Variants in HDAC9 observed in about 807,000 individuals in gnomAD.
The protein encoded by HDAC9 is MEF-2 interacting transcription repressor (MITR) protein.
In HDAC9, 41 loss-of-function variants were observed where a neutral mutation model predicts 139.4. That is an observed-to-expected ratio of 0.29 (90% CI 0.23 to 0.38). The LOEUF (loss-of-function observed/expected upper bound fraction) is 0.38. HDAC9 is among the 10% of genes least tolerant of loss of function. The pLI is 1.00. For synonymous variants in HDAC9, 517 were observed against 476.2 expected (o/e 1.09, Z -1.12); for missense variants, 1,147 against 1,297.0 (o/e 0.88, Z 1.78).
intron 1 of HDAC9, among the ~76,000 whole-genome samples, chr7:18,294,872 T>C (rs1289386231): frequency 1.3e-5 from 2 of 152,048 alleles, no homozygotes; most frequent in Non-Finnish European, 2.9e-5. Flanking sequence ...GTAGGGGCAG[T>C]GGACAGAGTG....
chr7:18,458,111 CAACT>C (rs1349432049), intron 1 of HDAC9, among the ~76,000 whole-genome samples: 2 of 152,184 alleles, frequency 1.3e-5, no homozygotes, highest in African/African-American at 2.4e-5. Context: ...TTTGTGCTGA[CAACT>C]CTTTGGCATT....
intron 2 of HDAC9, among the ~76,000 whole-genome samples, chr7:18,177,222 G>T (rs1788989444): frequency 1.3e-5 from 2 of 152,176 alleles, no homozygotes; most frequent in Admixed American, 6.5e-5. Flanking sequence ...GAAATGAAGG[G>T]AAATTGGGTA....
At chr7:18,400,918 G>A (rs1585634548) in intron 1 of HDAC9, among the ~76,000 whole-genome samples, 1 of 152,112 alleles carries the variant, frequency 6.6e-6, no homozygotes, top group East Asian at 1.9e-4. Context: ...TGAGTGTTTA[G>A]ATTGAGCTAT....
Position 18,789,286 on chromosome 7 carries a change from G to GCGCACACACACACACA in HDAC9, c.2215-4058_2215-4057insGCACACACACACACAC, listed in dbSNP as rs146066951. Among the ~76,000 whole-genome samples, 330 of 148,492 alleles carry GCGCACACACACACACA rather than the reference G, an allele frequency of 2.2e-3. 1 individual carries two copies. The highest frequency in any genetic ancestry group is 7.7e-3 in the African/African-American group (306 of 39,960). On this transcript the variant is annotated intron_variant, in intron 16 of 25. Transcript: ENST00000686413. ...TTAATGCACACGCAGACACATACACGCACACACACACACACACACACACAG... is the reference window on the plus strand; with the variant it reads ...TTAATGCACACGCAGACACATACACGCGCACACACACACACACACACACACACACACACACACACAG...
intron 22 of HDAC9, among the ~76,000 whole-genome samples, chr7:18,875,833 G>A (rs954470447): frequency 6.6e-6 from 1 of 152,074 alleles, no homozygotes; most frequent in African/African-American, 2.4e-5. Flanking sequence ...GGTCAGAACT[G>A]GTAAACAGTT....
chr7:18,359,481 C>T lies in HDAC9; in HGVS notation c.-42+68966C>T, dbSNP rs1381917323. ...CCTGCTTTTCCTCAACTCTCATTCA[C>T]ATTTTCTAAAACTTGAGAATGAAAA... On this transcript the variant is annotated intron_variant, in intron 1 of 3. Transcript: ENST00000413509. Among the ~76,000 whole-genome samples, 16 of 152,212 alleles carry T rather than the reference C, an allele frequency of 1.1e-4. 1 individual carries two copies. Among genetic ancestry groups the T allele is most frequent in the African/African-American group, 2.4e-5 (1 of 41,450 alleles).
At chr7:18,283,329 G>T (rs1465713132) in intron 2 of HDAC9, among the ~76,000 whole-genome samples, 1 of 152,108 alleles carries the variant, frequency 6.6e-6, no homozygotes, top group African/African-American at 2.4e-5. Context: ...AGAACAGCTT[G>T]GGGGAAGTCC....
intron 22 of HDAC9, among the ~76,000 whole-genome samples, chr7:18,932,169 A>G (rs1452355001): frequency 2.6e-5 from 4 of 152,198 alleles, no homozygotes; most frequent in South Asian, 2.1e-4. Flanking sequence ...GAAAAATTCA[A>G]TTGATTTAAA....
intron 1 of HDAC9, among the ~76,000 whole-genome samples, chr7:18,464,816 G>A (rs942986217): frequency 1.3e-5 from 2 of 151,946 alleles, no homozygotes; most frequent in Non-Finnish European, 2.9e-5. Context: ...CCCCTCTTTG[G>A]TGAGTTCTGG....
chr7:18,291,303 G>C (rs1797790537), intron 1 of HDAC9, among the ~76,000 whole-genome samples: 1 of 152,134 alleles, frequency 6.6e-6, no homozygotes, highest in African/African-American at 2.4e-5. Flanking sequence ...GAGGATAGTA[G>C]ATATTAAGAC....
chr7:18,268,709 A>G (rs968464205), intron 2 of HDAC9, among the ~76,000 whole-genome samples: 1 of 152,038 alleles, frequency 6.6e-6, no homozygotes, highest in Non-Finnish European at 1.5e-5. Flanking sequence ...GCCCTTGTTT[A>G]TTTTCCAAGC....
intron 2 of HDAC9, among the ~76,000 whole-genome samples, chr7:18,204,583 A>C (rs1482706002): frequency 6.6e-6 from 1 of 151,894 alleles, no homozygotes; most frequent in Non-Finnish European, 1.5e-5. Context: ...AATTTTTTGT[A>C]TTTATTCAAT....
Position 18,996,768 on chromosome 7 carries a change from A to G in HDAC9, c.*706A>G, listed in dbSNP as rs143944888. The G allele has an allele frequency of 2.0e-5, 3 of 152,210 alleles. No individual in the cohort carries two copies. The highest frequency in any genetic ancestry group is 4.8e-5 in the African/African-American group (2 of 41,526). 9.4% of individuals were successfully genotyped at this position (152,210 alleles called of 1,614,324 possible). A position where few individuals can be genotyped will look rare whatever the true frequency, so the allele number is the denominator to read the frequency against. On this transcript the variant is annotated 3_prime_UTR_variant, in exon 26 of 26. Coordinates refer to ENST00000686413, the MANE Select transcript of HDAC9 (RefSeq NM_178425.4). The stretch of plus-strand genomic sequence containing the variant: ...ATATCACTTTTTTTTAAACATCCCC[A>G]ACATCTTTGTGTTCTCACACACAGG...
At chr7:18,652,267 T>C (rs1245087143) in intron 11 of HDAC9, among the ~76,000 whole-genome samples, 2 of 152,012 alleles carry the variant, frequency 1.3e-5, no homozygotes, top group African/African-American at 4.8e-5. Context: ...GCTTTTCTGA[T>C]TGGAGGAAAA....
chr7:18,648,417 T>A, intron 10 of HDAC9, 49 bp from the exon 11 acceptor site: 1 of 1,313,760 alleles, frequency 7.6e-7, no homozygotes. Context: ...TGTATGTGTG[T>A]GTGTGTGTGT....
intron 16 of HDAC9, among the ~76,000 whole-genome samples, chr7:18,778,147 T>C (rs1027737128): frequency 1.3e-5 from 2 of 151,874 alleles, no homozygotes; most frequent in African/African-American, 2.4e-5. Context: ...TTCAACCTCA[T>C]ATGATTGTCA....
chr7:18,777,323 G>A (rs530034577), intron 16 of HDAC9, among the ~76,000 whole-genome samples: 1 of 95,902 alleles, frequency 1.0e-5, no homozygotes, highest in South Asian at 4.7e-4. Context: ...CCTGACATTT[G>A]CATGACCTTT....
intron 2 of HDAC9, among the ~76,000 whole-genome samples, chr7:18,555,826 A>C (rs1033015681): frequency 6.6e-6 from 1 of 152,108 alleles, no homozygotes; most frequent in African/African-American, 2.4e-5. Context: ...TCTGTATTCT[A>C]AGTTATTTCA....
intron 1 of HDAC9, among the ~76,000 whole-genome samples, chr7:18,358,616 G>T (rs1269130998): frequency 6.6e-6 from 1 of 152,168 alleles, no homozygotes; most frequent in Non-Finnish European, 1.5e-5. Flanking sequence ...AACTTGATAA[G>T]TATACCTACA....
Sources: gnomAD v4.1 joint callset for allele counts (sites outside exome capture counted in the v4.1 genomes callset) on GRCh38, gnomAD v4.1.1 for gene constraint, MANE v1.5 for transcripts, NCBI Gene and HGNC (gene_info 2026-07-23, HGNC 2026-07-21) for gene names.